Variants in PHF6 observed in about 807,000 individuals in gnomAD.
The protein encoded by PHF6 is PHD-like zinc finger protein.
A neutral mutation model predicts 34.0 loss-of-function variants in PHF6; 7 were observed. That is an observed-to-expected ratio of 0.21 (90% CI 0.12 to 0.39). The LOEUF (loss-of-function observed/expected upper bound fraction) is 0.39. PHF6 is among the 10% of genes least tolerant of loss of function. PHF6 has a pLI of 1.00. For synonymous variants in PHF6, 89 were observed against 88.4 expected (o/e 1.01, Z -0.04); for missense variants, 128 against 262.8 (o/e 0.49, Z 3.55).
chrX:134,406,344 C>T (rs2077425153), intron 5 of PHF6, among the ~76,000 whole-genome samples: 1 of 111,008 alleles, frequency 9.0e-6, no homozygotes, highest in Non-Finnish European at 1.9e-5. Context: ...CATGAAGACA[C>T]TTGTGAATGG....
intron 3 of PHF6, among the ~76,000 whole-genome samples, chrX:134,380,426 G>A (rs920297661): frequency 4.5e-5 from 5 of 111,497 alleles, no homozygotes; most frequent in Non-Finnish European, 7.5e-5. Context: ...GAGCCACCGC[G>A]CCCGGCCTTG....
chrX:134,404,877 A>C (rs1159279069), intron 5 of PHF6, among the ~76,000 whole-genome samples: 1 of 112,051 alleles, frequency 8.9e-6, no homozygotes, highest in Non-Finnish European at 1.9e-5. Context: ...TTTTTTATAC[A>C]TAATGCTATT....
chrX:134,411,527 A>G (rs1209910950), intron 5 of PHF6, among the ~76,000 whole-genome samples: 3 of 110,036 alleles, frequency 2.7e-5, no homozygotes, highest in Non-Finnish European at 5.7e-5. Context: ...TTATTTGTTT[A>G]TTGTTATTTA....
intron 5 of PHF6, among the ~76,000 whole-genome samples, chrX:134,405,947 A>G (rs1371202199): frequency 9.1e-6 from 1 of 109,712 alleles, no homozygotes; most frequent in Non-Finnish European, 1.9e-5. Context: ...TGCACATCAC[A>G]TTTACACTGG....
At chrX:134,410,525 T>A (rs1414482443) in intron 5 of PHF6, among the ~76,000 whole-genome samples, 9 of 112,308 alleles carry the variant, frequency 8.0e-5, no homozygotes, top group African/African-American at 2.9e-4. Flanking sequence ...ATCCTTGATC[T>A]GTTTTTCCAT....
intron 5 of PHF6, among the ~76,000 whole-genome samples, chrX:134,402,766 C>T (rs1163758705): frequency 2.7e-5 from 3 of 111,999 alleles, no homozygotes; most frequent in Non-Finnish European, 3.8e-5. Flanking sequence ...TCATTTTTTC[C>T]GACAGGATAT....
intron 5 of PHF6, among the ~76,000 whole-genome samples, chrX:134,410,492 T>C (rs1474339930): frequency 8.9e-6 from 1 of 111,838 alleles, no homozygotes; most frequent in Non-Finnish European, 1.9e-5. Flanking sequence ...TAACTACTTA[T>C]ATTCTGAGAA....
At chrX:134,375,490 G>A (rs372633361) in intron 1 of PHF6, among the ~76,000 whole-genome samples, 2 of 111,441 alleles carry the variant, frequency 1.8e-5, no homozygotes, top group Non-Finnish European at 3.8e-5. Context: ...TTAAGAATAC[G>A]AAGTGATTTT....
chrX:134,421,488 A>G (rs1209348890), intron 9 of PHF6, among the ~76,000 whole-genome samples: 1 of 112,125 alleles, frequency 8.9e-6, no homozygotes, highest in African/African-American at 3.2e-5. Flanking sequence ...ATTTTAAAAT[A>G]ACAGGCTGAT....
chrX:134,393,501 A>T lies in PHF6; in HGVS notation c.241A>T (p.Met81Leu). Residue 81 changes from methionine (M) to leucine (L), a missense_variant and splice_region_variant, in exon 4 of 11, where the codon ATG becomes TTG. Transcript: ENST00000370803. ...QKEIKRGTKL[M>L]CSLCHCPGAT... ...ATATTATTTTGTCGTTTTGCTGTAG[A>T]TGTGTTCTTTGTGCCATTGTCCTGG... is the stretch of plus-strand genomic sequence containing the variant. 1 of 1,211,236 alleles carries T rather than the reference A, an allele frequency of 8.3e-7. No homozygotes were observed. Among genetic ancestry groups the T allele is most frequent in the Non-Finnish European group, 1.1e-6 (1 of 894,981 alleles).
At chrX:134,379,432 C>CTTTTTTT (rs34099570) in intron 3 of PHF6, among the ~76,000 whole-genome samples, 11 of 26,273 alleles carry the variant, frequency 4.2e-4, no homozygotes, top group Non-Finnish European at 6.3e-4. Context: ...CTTTTCTTTT[C>CTTTTTTT]TTTTTTTTTT....
At position 134,427,870 on chromosome X, in the gene PHF6, A is replaced by G. The variant is rs2077512360; in HGVS notation, c.*2210A>G. On this transcript the variant is annotated 3_prime_UTR_variant, in exon 11 of 11. Coordinates refer to ENST00000370803, the MANE Select transcript of PHF6 (RefSeq NM_001015877.2). Reference sequence around the variant, plus strand: ...AAGTGCCTTACAATGTAAAAATTGTACAGTACTTATGTTCCCAAGTAGCAT... The same window carrying G: ...AAGTGCCTTACAATGTAAAAATTGTGCAGTACTTATGTTCCCAAGTAGCAT... 2 of 157,491 alleles carry G rather than the reference A, an allele frequency of 1.3e-5. No homozygotes were observed. Among genetic ancestry groups the G allele is most frequent in the Non-Finnish European group, 1.2e-5 (1 of 80,743 alleles). The allele number at this position is 157,491 out of a possible 1,213,427, so 13.0% of individuals were successfully genotyped here. A position where few individuals can be genotyped will look rare whatever the true frequency, so the allele number is the denominator to read the frequency against.
chrX:134,389,259 A>G (rs2077343766), intron 3 of PHF6, among the ~76,000 whole-genome samples: 1 of 111,471 alleles, frequency 9.0e-6, no homozygotes, highest in South Asian at 3.7e-4. Flanking sequence ...TTAGCCCTCA[A>G]CAGAATATCT....
intron 3 of PHF6, among the ~76,000 whole-genome samples, chrX:134,388,526 C>T (rs2077340932): frequency 9.0e-6 from 1 of 111,017 alleles, no homozygotes; most frequent in Non-Finnish European, 1.9e-5. Context: ...CAGTTAACTG[C>T]TTGGCTGTGA....
Position 134,413,608 on chromosome X carries a change from C to G in PHF6, c.536C>G (p.Thr179Ser). ...AATTTTAAAGGGCTGTCAGAAGATACCAGGTCCACATCCTCCCATGGAACA... is the reference window on the plus strand; with the variant it reads ...AATTTTAAAGGGCTGTCAGAAGATAGCAGGTCCACATCCTCCCATGGAACA... ...KTNFKGLSED[T>S]RSTSSHGTDE... The change falls in exon 6 of 11, where the codon ACC becomes AGC. Residue 179 changes from threonine (T) to serine (S), a missense_variant. By Grantham distance (58) the Thr-to-Ser change is moderately conservative (BLOSUM62 1). This residue lies in a region of PHF6 where 97 missense variants were observed against 152.9 expected (regional missense o/e 0.63). Transcript: ENST00000370803. 8.3e-7 allele frequency: 1 copy of G among 1,210,943 alleles called. No individual in the cohort carries two copies. The highest frequency in any genetic ancestry group is 1.1e-6 in the Non-Finnish European group (1 of 895,083).
intron 5 of PHF6, among the ~76,000 whole-genome samples, chrX:134,411,180 G>A (rs866116466): frequency 9.0e-6 from 1 of 110,738 alleles, no homozygotes; most frequent in Non-Finnish European, 1.9e-5. Flanking sequence ...TCGAATTCCC[G>A]ACCTCAGGTG....
At chrX:134,392,819 A>G (rs1244337091) in intron 3 of PHF6, among the ~76,000 whole-genome samples, 1 of 99,995 alleles carries the variant, frequency 1.0e-5, no homozygotes, top group Non-Finnish European at 2.0e-5. Flanking sequence ...TTTTTTTTTT[A>G]GACGGAGTCT....
chrX:134,399,814 G>A (rs1158782541), intron 5 of PHF6, among the ~76,000 whole-genome samples: 1 of 110,878 alleles, frequency 9.0e-6, no homozygotes, highest in African/African-American at 3.3e-5. Context: ...TTAAATTAGT[G>A]CACTCTTGGT....
At chrX:134,424,517 C>T (rs1003314063) in intron 9 of PHF6, among the ~76,000 whole-genome samples, 1 of 111,929 alleles carries the variant, frequency 8.9e-6, no homozygotes, top group South Asian at 3.7e-4. Flanking sequence ...AAATACAGGG[C>T]GAGAGAGAAC....
Sources: gnomAD v4.1 joint callset for allele counts (sites outside exome capture counted in the v4.1 genomes callset) on GRCh38, gnomAD v4.1.1 for gene constraint, gnomAD v4.1.1 regional missense constraint, MANE v1.5 for transcripts, NCBI Gene and HGNC (gene_info 2026-07-23, HGNC 2026-07-21) for gene names.